Variants in DMRT1 observed in about 807,000 individuals in gnomAD.
DMRT1 encodes the protein doublesex and mab-3 related transcription factor 1.
Under a neutral mutation model 32.3 loss-of-function variants are expected in DMRT1, and 7 were observed. That is an observed-to-expected ratio of 0.22 (90% CI 0.12 to 0.41). The LOEUF (loss-of-function observed/expected upper bound fraction) is 0.41. DMRT1 is among the 10% of genes least tolerant of loss of function. The probability of loss-of-function intolerance (pLI) is 1.00; values close to 1 mark genes in which losing one functional copy is unlikely to be tolerated. For synonymous variants in DMRT1, 278 were observed against 206.1 expected, an observed-to-expected ratio of 1.35 and a Z score of -2.99; for missense variants, 625 against 500.5, an observed-to-expected ratio of 1.25 and a Z score of -2.37.
intron 4 of DMRT1, among the ~76,000 whole-genome samples, chr9:948,728 C>G (rs1467843380): frequency 6.6e-6 from 1 of 151,992 alleles, no homozygotes; most frequent in African/African-American, 2.4e-5. Flanking sequence ...TTACTCCACC[C>G]AATCACACAA....
In DMRT1 at chr9:844,072, A is replaced by T. The variant is rs1838802530; in HGVS notation, c.354+1880A>T. On this transcript the variant is annotated intron_variant, in intron 1 of 4. Coordinates refer to ENST00000382276, the MANE Select transcript of DMRT1 (RefSeq NM_021951.3). Reference sequence around the variant, plus strand: ...CGTTGGCTTATTTAGTGTGGAGAACATGCTTGGGGGATTTCTCAAAATGTA... The same window carrying T: ...CGTTGGCTTATTTAGTGTGGAGAACTTGCTTGGGGGATTTCTCAAAATGTA... 2.6e-5 allele frequency among the ~76,000 whole-genome samples: 4 copies of T among 152,280 alleles called. No homozygotes were observed. In the South Asian group the frequency reaches 8.3e-4, roughly 32 times the overall value.
chr9:875,552 A>G (rs1816460787), intron 2 of DMRT1, among the ~76,000 whole-genome samples: 1 of 152,238 alleles, frequency 6.6e-6, no homozygotes, highest in African/African-American at 2.4e-5. Context: ...CAAATTCTGT[A>G]CAATGAAGAT....
intron 2 of DMRT1, among the ~76,000 whole-genome samples, chr9:851,485 G>A (rs1316469981): frequency 6.6e-6 from 1 of 152,080 alleles, no homozygotes; most frequent in African/African-American, 2.4e-5. Flanking sequence ...ATGATTGCCC[G>A]CCTCGGCCTC....
chr9:898,858 A>T (rs1817468993), intron 3 of DMRT1, among the ~76,000 whole-genome samples: 1 of 152,168 alleles, frequency 6.6e-6, no homozygotes, highest in African/African-American at 2.4e-5. Context: ...TGTGATACAA[A>T]TTTGGGTAGT....
chr9:920,305 A>G (rs1818313249), intron 4 of DMRT1, among the ~76,000 whole-genome samples: 1 of 152,150 alleles, frequency 6.6e-6, no homozygotes, highest in Admixed American at 6.5e-5. Context: ...GGCCCTGTAG[A>G]TGAGGAGGAC....
chr9:850,717 C>A (rs568632507), intron 2 of DMRT1, among the ~76,000 whole-genome samples: 4 of 140,500 alleles, frequency 2.8e-5, no homozygotes, highest in African/African-American at 1.0e-4. Flanking sequence ...TTTTTAGTGA[C>A]CTAGAATTCC....
chr9:942,320 C>G (rs907008079), intron 4 of DMRT1, among the ~76,000 whole-genome samples: 1 of 152,174 alleles, frequency 6.6e-6, no homozygotes, highest in African/African-American at 2.4e-5. Flanking sequence ...GTCACCCAGG[C>G]TGGAGTGAAG....
At chr9:939,011 A>C (rs1049202085) in intron 4 of DMRT1, among the ~76,000 whole-genome samples, 2 of 152,084 alleles carry the variant, frequency 1.3e-5, no homozygotes, top group African/African-American at 4.8e-5. Flanking sequence ...CTTGTAACCC[A>C]CCCCTGCCTT....
intron 2 of DMRT1, among the ~76,000 whole-genome samples, chr9:881,674 A>G (rs1180017018): frequency 1.3e-5 from 2 of 152,250 alleles, no homozygotes; most frequent in Non-Finnish European, 1.5e-5. Flanking sequence ...AGTCAGTCAA[A>G]CAAGTTCCTA....
At chr9:883,944 G>A (rs1816829652) in intron 2 of DMRT1, among the ~76,000 whole-genome samples, 1 of 152,170 alleles carries the variant, frequency 6.6e-6, no homozygotes, top group South Asian at 2.1e-4. Context: ...CAGAAGCTAA[G>A]TAGGACAAAC....
chr9:843,468 G>T (rs1472636472), intron 1 of DMRT1, among the ~76,000 whole-genome samples: 1 of 152,208 alleles, frequency 6.6e-6, no homozygotes, highest in Non-Finnish European at 1.5e-5. Flanking sequence ...TTTAAAGCAC[G>T]CTTAAGAATT....
At chr9:901,784 C>A (rs1817586334) in intron 3 of DMRT1, among the ~76,000 whole-genome samples, 1 of 151,940 alleles carries the variant, frequency 6.6e-6, no homozygotes, top group Admixed American at 6.6e-5. Context: ...GCCTTACGAA[C>A]CTGCCCTGGG....
At chr9:864,765 G>T (rs1436705986) in intron 2 of DMRT1, among the ~76,000 whole-genome samples, 1 of 152,126 alleles carries the variant, frequency 6.6e-6, no homozygotes, top group Non-Finnish European at 1.5e-5. Flanking sequence ...CTCCCAAAGT[G>T]CTGGGATTAC....
At chr9:930,992 A>C (rs867021347) in intron 4 of DMRT1, among the ~76,000 whole-genome samples, 1 of 152,166 alleles carries the variant, frequency 6.6e-6, no homozygotes, top group African/African-American at 2.4e-5. Flanking sequence ...CATCATCCCC[A>C]AAACAATCCC....
intron 2 of DMRT1, among the ~76,000 whole-genome samples, chr9:859,483 G>A (rs1167053128): frequency 6.6e-6 from 1 of 152,046 alleles, no homozygotes; most frequent in Non-Finnish European, 1.5e-5. Context: ...GACTTGTCAC[G>A]GTCCCTTTTG....
intron 4 of DMRT1, among the ~76,000 whole-genome samples, chr9:939,227 G>T (rs1466605430): frequency 6.6e-6 from 1 of 152,158 alleles, no homozygotes; most frequent in Non-Finnish European, 1.5e-5. Context: ...CCATCCCAGT[G>T]CTTACCCTCC....
intron 4 of DMRT1, among the ~76,000 whole-genome samples, chr9:925,527 C>T (rs998526685): frequency 5.9e-5 from 9 of 152,174 alleles, no homozygotes; most frequent in Non-Finnish European, 7.3e-5. Context: ...GCAGGCAGAG[C>T]GCCGTGACTT....
intron 2 of DMRT1, among the ~76,000 whole-genome samples, chr9:863,034 C>T (rs997055751): frequency 4.6e-5 from 7 of 151,032 alleles, no homozygotes; most frequent in African/African-American, 1.5e-4. Context: ...TGGAGAGCTC[C>T]CTGGGTGTGG....
At chr9:909,534 G>C (rs542198271) in intron 3 of DMRT1, among the ~76,000 whole-genome samples, 1 of 152,150 alleles carries the variant, frequency 6.6e-6, no homozygotes, top group East Asian at 1.9e-4. Flanking sequence ...CATTTAATGA[G>C]GGTAAAAGTC....
Sources: allele counts gnomAD v4.1 joint callset (sites outside exome capture counted in the v4.1 genomes callset), GRCh38; gene constraint gnomAD v4.1.1; transcripts MANE v1.5; gene names NCBI Gene and HGNC (gene_info 2026-07-23, HGNC 2026-07-21).